Variants in PARVB observed in about 807,000 individuals in gnomAD.
PARVB encodes beta-parvin.
Under a neutral mutation model 47.0 loss-of-function variants are expected in PARVB, and 46 were observed. The ratio of observed to expected loss-of-function variants is 0.98; its 90% CI spans 0.77 to 1.25. The LOEUF is 1.25. PARVB is among the 50% of genes most tolerant of loss of function. The probability of loss-of-function intolerance (pLI) is 0.00; values close to 1 mark genes in which losing one functional copy is unlikely to be tolerated. For missense variants in PARVB, 473 were observed against 471.6 expected (o/e 1.00, Z -0.03); for synonymous variants, 196 against 196.3 (o/e 1.00, Z 0.01).
chr22:44,084,329 G>T (rs1157189216), intron 1 of PARVB, among the ~76,000 whole-genome samples: 4 of 152,226 alleles, frequency 2.6e-5, no homozygotes, highest in Non-Finnish European at 4.4e-5. Context: ...GGCAGGAGGG[G>T]TGGCTCTCTC....
In PARVB at chr22:44,163,942, G is replaced by A. The variant is rs1282847591; in HGVS notation, c.1018+12G>A. ...GGCTCGTCCTGAAGGTAATGCCCCT[G>A]GCTCAGGTTCCCCCGGGAGAGGTGC... On this transcript the variant is annotated intron_variant, in intron 12 of 12. Coordinates refer to ENST00000338758, the MANE Select transcript of PARVB (RefSeq NM_013327.5). The A allele has an allele frequency of 1.2e-6, 2 of 1,604,424 alleles. No individual in the cohort carries two copies. Among genetic ancestry groups the A allele is most frequent in the Admixed American group, 1.7e-5 (1 of 58,982 alleles).
intron 4 of PARVB, among the ~76,000 whole-genome samples, chr22:44,122,099 T>A (rs1422474870): frequency 6.6e-6 from 1 of 152,254 alleles, no homozygotes; most frequent in South Asian, 2.1e-4. Flanking sequence ...TGTATTTAGT[T>A]TTTGTGTATA....
At chr22:44,158,448 T>C (rs1023201734) in intron 11 of PARVB, among the ~76,000 whole-genome samples, 1 of 152,232 alleles carries the variant, frequency 6.6e-6, no homozygotes, top group Non-Finnish European at 1.5e-5. Context: ...CCATCTCCAG[T>C]GGTGGCACGA....
At chr22:44,162,566 C>A (rs2054076179) in intron 11 of PARVB, among the ~76,000 whole-genome samples, 3 of 152,338 alleles carry the variant, frequency 2.0e-5, no homozygotes, top group South Asian at 2.1e-4. Flanking sequence ...ACTGATCCAC[C>A]TGCCTCGGCC....
intron 1 of PARVB, among the ~76,000 whole-genome samples, chr22:44,037,234 C>A (rs1248764281): frequency 6.6e-6 from 1 of 151,862 alleles, no homozygotes; most frequent in Admixed American, 6.6e-5. Context: ...CCCAGCCTGG[C>A]CAACATGGTG....
intron 1 of PARVB, among the ~76,000 whole-genome samples, chr22:44,066,484 AT>A (rs2051525480): frequency 6.6e-6 from 1 of 152,124 alleles, no homozygotes; most frequent in South Asian, 2.1e-4. Flanking sequence ...CATACCTTGT[AT>A]TTATGCATGT....
At chr22:44,000,388 G>T (rs2146838737) in intron 2 of PARVB, among the ~76,000 whole-genome samples, 1 of 152,302 alleles carries the variant, frequency 6.6e-6, no homozygotes, top group Admixed American at 6.5e-5. Context: ...TCAAATACTG[G>T]GCCACTGTGA....
Position 44,153,984 on chromosome 22 carries a change from G to A in PARVB, c.843+2433G>A, listed in dbSNP as rs11913184. Among the ~76,000 whole-genome samples, 73 of 152,270 alleles carry A rather than the reference G, an allele frequency of 4.8e-4. No individual in the cohort carries two copies. In the Middle Eastern group the frequency reaches 0.014, roughly 28 times the overall value. ...AGCCTAGAAGTGGAGTCATTAGAGC[G>A]AAGCCTGCACCGCACACTTTGAAGG... On this transcript the variant is annotated intron_variant, in intron 10 of 12. Transcript: ENST00000338758.
At chr22:44,047,196 G>A (rs950910015) in intron 1 of PARVB, among the ~76,000 whole-genome samples, 1 of 152,188 alleles carries the variant, frequency 6.6e-6, no homozygotes, top group African/African-American at 2.4e-5. Context: ...TCTGCAGGCT[G>A]TACGTGGCAC....
At chr22:44,124,758 C>T (rs907478783) in intron 4 of PARVB, among the ~76,000 whole-genome samples, 1 of 152,234 alleles carries the variant, frequency 6.6e-6, no homozygotes, top group African/African-American at 2.4e-5. Flanking sequence ...GTCACTCCCT[C>T]AGGGCAGGGC....
At chr22:44,034,766 A>G (rs1320783476) in intron 1 of PARVB, among the ~76,000 whole-genome samples, 1 of 139,106 alleles carries the variant, frequency 7.2e-6, no homozygotes, top group African/African-American at 2.7e-5. Flanking sequence ...GCTGGAGTGC[A>G]GTGGTGCAAT....
intron 2 of PARVB, among the ~76,000 whole-genome samples, chr22:44,017,188 G>A (rs1307906465): frequency 1.3e-5 from 2 of 152,072 alleles, no homozygotes; most frequent in East Asian, 3.9e-4. Context: ...TTCCCCATTT[G>A]AGATGTGAGA....
intron 1 of PARVB, among the ~76,000 whole-genome samples, chr22:44,053,303 C>G (rs764094983): frequency 6.6e-6 from 1 of 152,042 alleles, no homozygotes; most frequent in East Asian, 1.9e-4. Flanking sequence ...AGGATGGTCT[C>G]GAACTCCTGC....
upstream of PARVB, among the ~76,000 whole-genome samples, chr22:44,020,725 C>T (rs1056801251): frequency 1.3e-5 from 2 of 151,962 alleles, no homozygotes; most frequent in African/African-American, 4.8e-5. Context: ...TCCCCAGGTG[C>T]ACCACCCTCA....
At chr22:44,059,039 C>CTTTTTTTTTTT (rs11296450) in intron 1 of PARVB, among the ~76,000 whole-genome samples, 1 of 73,050 alleles carries the variant, frequency 1.4e-5, no homozygotes. Context: ...CACCCTGTGG[C>CTTTTTTTTTTT]TTTTTTTTTT....
intron 11 of PARVB, 62 bp downstream of exon 11, chr22:44,158,145 T>C: frequency 8.8e-7 from 1 of 1,139,418 alleles, no homozygotes; most frequent in South Asian, 1.3e-5. Flanking sequence ...ATGCAGAGCA[T>C]AGACTATCCC....
At position 44,172,677 on chromosome 22, in the gene PARVB, C is replaced by G. The variant is rs1274902052; in HGVS notation, c.*3999C>G. Reference sequence around the variant, plus strand: ...TTTTAAAGCAACTGAATCCTTTCCCCCTGTTTTGTGTGCCAGTATTTTACT... The same window carrying G: ...TTTTAAAGCAACTGAATCCTTTCCCGCTGTTTTGTGTGCCAGTATTTTACT... On this transcript the variant is annotated 3_prime_UTR_variant, in exon 13 of 13. Coordinates refer to ENST00000338758, the MANE Select transcript of PARVB (RefSeq NM_013327.5). The G allele has an allele frequency of 1.6e-5, 4 of 253,314 alleles. No homozygotes were observed. The Admixed American group carries it at 2.1e-4, about 13-fold the overall frequency. The allele number at this position is 253,314 out of a possible 1,614,324, so 15.7% of individuals were successfully genotyped here.
intron 1 of PARVB, among the ~76,000 whole-genome samples, chr22:44,044,860 T>G (rs2051087229): frequency 6.6e-6 from 1 of 152,188 alleles, no homozygotes. Context: ...AAACCCCAGT[T>G]CAAGCATACA....
chr22:44,151,461 G>T, intron 9 of PARVB, 22 bp from the exon 10 acceptor site: 1 of 1,605,762 alleles, frequency 6.2e-7, no homozygotes, highest in Non-Finnish European at 8.5e-7. Context: ...CATGGCTCCT[G>T]TGTCTCTTTT....
Sources: allele counts gnomAD v4.1 joint callset (sites outside exome capture counted in the v4.1 genomes callset), GRCh38; gene constraint gnomAD v4.1.1; transcripts MANE v1.5; gene names NCBI Gene and HGNC (gene_info 2026-07-23, HGNC 2026-07-21).